The following MCOLN1 variants were observed in gnomAD, a reference collection of about 807,000 sequenced individuals.
MCOLN1 encodes mucolipin TRP cation channel 1, also known as mucolipin-1.
MCOLN1 carries 50 observed loss-of-function variants against 70.3 expected under a neutral mutation model. The ratio of observed to expected loss-of-function variants is 0.71; its 90% CI spans 0.57 to 0.90. MCOLN1 has a LOEUF of 0.90. MCOLN1 is among the 40% of genes least tolerant of loss of function. MCOLN1 has a pLI of 0.00. For synonymous variants in MCOLN1, 366 were observed against 341.0 expected (o/e 1.07, Z -0.81); for missense variants, 598 against 803.5 (o/e 0.74, Z 3.09).
Position 7,528,295 on chromosome 19 carries a change from C to T in MCOLN1, c.877+38C>T, listed in dbSNP as rs1166125098. 5 of 1,581,480 alleles carry T rather than the reference C, an allele frequency of 3.2e-6. No homozygotes were observed. The highest frequency in any genetic ancestry group is 1.7e-5 in the Admixed American group (1 of 59,836). On this transcript the variant is annotated intron_variant, in intron 7 of 13. Transcript: ENST00000264079. The surrounding 1 kb of genome is among the most constrained non-coding windows in gnomAD (Gnocchi z 4.2). ...GCCCCAGACCAGCACTGACCAGGGG[C>T]CCTGGCCTGTCCTGGGATTCCCCAA... is the stretch of plus-strand genomic sequence containing the variant.
intron 4 of MCOLN1, among the ~76,000 whole-genome samples, 198 bp from the exon 5 acceptor site, chr19:7,527,322 C>T (rs1450115984): frequency 1.3e-5 from 2 of 150,024 alleles, no homozygotes; most frequent in Admixed American, 6.6e-5. Flanking sequence ...GAGTGTGACT[C>T]TTGCCACGTA....
rs1236335462 is a variant in MCOLN1, at chr19:7,522,660, C to A, written c.-91C>A. 1.5e-6 allele frequency: 2 copies of A among 1,340,734 alleles called. No individual in the cohort carries two copies. Among genetic ancestry groups the A allele is most frequent in the Non-Finnish European group, 2.0e-6 (2 of 1,017,360 alleles). The allele number at this position is 1,340,734 out of a possible 1,614,324, so 83.1% of individuals were successfully genotyped here. Reference sequence around the variant, plus strand: ...GATGCCGGAGGGTTTGAAGCCGCGCCGCGAGGGAGCGAGGTCGCAGTGACA... The same window carrying A: ...GATGCCGGAGGGTTTGAAGCCGCGCAGCGAGGGAGCGAGGTCGCAGTGACA... On this transcript the variant is annotated 5_prime_UTR_variant, in exon 1 of 14. Coordinates refer to ENST00000264079, the MANE Select transcript of MCOLN1 (RefSeq NM_020533.3).
chr19:7,531,760 C>T lies in MCOLN1; in HGVS notation c.1575+1259C>T, dbSNP rs186329266. 4.4e-3 allele frequency among the ~76,000 whole-genome samples: 675 copies of T among 151,970 alleles called. 3 individuals are homozygous for T. The highest frequency in any genetic ancestry group is 5.1e-3 in the Non-Finnish European group (345 of 67,952). On this transcript the variant is annotated intron_variant, in intron 12 of 13. Coordinates refer to ENST00000264079, the MANE Select transcript of MCOLN1 (RefSeq NM_020533.3). ...TCGGCTCACTGCAACCTCTGCCTCCCGGGTTCAAGCGATTCTCCTGCCTCA... is the reference window on the plus strand; with the variant it reads ...TCGGCTCACTGCAACCTCTGCCTCCTGGGTTCAAGCGATTCTCCTGCCTCA...
intron 10 of MCOLN1, 66 bp from the exon 11 acceptor site, chr19:7,529,524 T>TTGG: frequency 1.8e-6 from 1 of 542,780 alleles, no homozygotes; most frequent in African/African-American, 2.1e-5. Flanking sequence ...CACCCCCATC[T>TTGG]GGGTGCCCAC....
In MCOLN1 at chr19:7,528,566, C is replaced by T. The variant is rs1397074721; in HGVS notation, c.878-31C>T. 6.2e-7 allele frequency: 1 copy of T among 1,613,420 alleles called. No homozygotes were observed. Among genetic ancestry groups the T allele is most frequent in the Non-Finnish European group, 8.5e-7 (1 of 1,179,964 alleles). On this transcript the variant is annotated intron_variant, in intron 7 of 13. Transcript: ENST00000264079. This position sits in a 1 kb window ranked among gnomAD's most constrained non-coding sequence, Gnocchi z 4.2. ...TAGCCTCCCAAGGCTCCATGCCATC[C>T]TTGGCCCTACCCGCTCTGCCCTCCC...
intron 1 of MCOLN1, among the ~76,000 whole-genome samples, chr19:7,523,332 G>A (rs940805543): frequency 3.3e-5 from 5 of 152,220 alleles, no homozygotes; most frequent in African/African-American, 1.2e-4. Context: ...GGGGAGGCTG[G>A]AGGAAGACCC....
chr19:7,526,098 A>C lies in MCOLN1; in HGVS notation c.238-341A>C. ...GAAAAGGGACCCAGTCATGGTACTTACCCTGAAAGTTTGGGTTTAACACAG... is the reference window on the plus strand; with the variant it reads ...GAAAAGGGACCCAGTCATGGTACTTCCCCTGAAAGTTTGGGTTTAACACAG... On this transcript the variant is annotated intron_variant, in intron 2 of 13. Transcript: ENST00000264079. The surrounding 1 kb of genome is among the most constrained non-coding windows in gnomAD (Gnocchi z 4.6). The C allele has an allele frequency of 2.5e-6, 1 of 393,230 alleles. No homozygotes were observed. Among genetic ancestry groups the C allele is most frequent in the South Asian group, 2.3e-5 (1 of 44,300 alleles). 24.4% of individuals were successfully genotyped at this position (393,230 alleles called of 1,614,324 possible). A position where few individuals can be genotyped will look rare whatever the true frequency, so the allele number is the denominator to read the frequency against.
intron 1 of MCOLN1, among the ~76,000 whole-genome samples, chr19:7,523,400 G>A (rs1361245297): frequency 4.6e-5 from 7 of 152,326 alleles, no homozygotes; most frequent in South Asian, 2.1e-4. Context: ...TAGATGTCCC[G>A]GTGTCCCAGC....
At chr19:7,532,869 G>T (rs554442135) in intron 12 of MCOLN1, among the ~76,000 whole-genome samples, 1 of 152,162 alleles carries the variant, frequency 6.6e-6, no homozygotes, top group Admixed American at 6.5e-5. Flanking sequence ...TACTTCCATC[G>T]CCTCTAGACT....
Position 7,524,827 on chromosome 19 carries a change from T to C in MCOLN1, c.32-134T>C, listed in dbSNP as rs1162575666. The C allele has an allele frequency of 1.3e-6, 1 of 741,448 alleles. No homozygotes were observed. The highest frequency in any genetic ancestry group is 2.3e-5 in the Admixed American group (1 of 43,518). 45.9% of individuals were successfully genotyped at this position (741,448 alleles called of 1,614,324 possible). On this transcript the variant is annotated intron_variant, in intron 1 of 13. Coordinates refer to ENST00000264079, the MANE Select transcript of MCOLN1 (RefSeq NM_020533.3). This position sits in a 1 kb window ranked among gnomAD's most constrained non-coding sequence, Gnocchi z 4.1. Reference sequence around the variant, plus strand: ...ATGTCACAGGTTTTCTGGTTTTCTTTAGACCTCTCAGAGCTCTTCCTTGGC... The same window carrying C: ...ATGTCACAGGTTTTCTGGTTTTCTTCAGACCTCTCAGAGCTCTTCCTTGGC...
At chr19:7,527,119 C>A in intron 4 of MCOLN1, 193 bp downstream of exon 4, 1 of 709,070 alleles carries the variant, frequency 1.4e-6, no homozygotes. Context: ...TACGCACAAA[C>A]AAATTAGCTG....
rs577440930 is a variant in MCOLN1 at position 7,527,531 on chromosome 19, G to A, written c.583G>A (p.Val195Met). The change falls in exon 5 of 14, where the codon GTG becomes ATG. Residue 195 changes from valine (V) to methionine (M), a missense_variant. Physicochemically the swap from Val to Met is conservative, Grantham distance 21. Coordinates refer to ENST00000264079, the MANE Select transcript of MCOLN1 (RefSeq NM_020533.3). ...CTCCCTGTCCTTAGACTGCATCCAG[G>A]TGGATCCCCCCGAGCGGCCCCCTCC... ...DPMVVTDCIQVDPPERPPPPP... is the reference protein window; with the variant it reads ...DPMVVTDCIQMDPPERPPPPP... The A allele has an allele frequency of 5.9e-6, 9 of 1,536,514 alleles. No homozygotes were observed. The highest frequency in any genetic ancestry group is 4.1e-5 in the African/African-American group (3 of 73,618).
chr19:7,527,340 C>T (rs569678361), intron 4 of MCOLN1, among the ~76,000 whole-genome samples, 180 bp from the exon 5 acceptor site: 12 of 150,770 alleles, frequency 8.0e-5, no homozygotes, highest in African/African-American at 2.9e-4. Flanking sequence ...GTAGAAAGCA[C>T]CAGATGTTAT....
rs770963796 is a variant in MCOLN1 at position 7,525,060 on chromosome 19, G to A, written c.131G>A (p.Arg44His). 26 of 1,614,012 alleles carry A rather than the reference G, an allele frequency of 1.6e-5. No individual in the cohort carries two copies. Among genetic ancestry groups the A allele is most frequent in the East Asian group, 6.7e-5 (3 of 44,896 alleles). Reference sequence around the variant, plus strand: ...CCAGAAGAGGAAGACCTTCGCCGTCGTCTCAAATACTTTTTCATGAGTCCC... The same window carrying A: ...CCAGAAGAGGAAGACCTTCGCCGTCATCTCAAATACTTTTTCATGAGTCCC... ...TPPEEEDLRR[R>H]LKYFFMSPCD... Residue 44 changes from arginine (R) to histidine (H), a missense_variant, in exon 2 of 14, where the codon CGT becomes CAT. Around this residue, in one of 3 missense-constraint regions of MCOLN1, gnomAD observed 461 missense variants for 588.4 expected, o/e 0.78. Transcript: ENST00000264079. This position sits in a 1 kb window ranked among gnomAD's most constrained non-coding sequence, Gnocchi z 4.2.
chr19:7,522,721 C>T lies in MCOLN1; in HGVS notation c.-30C>T, dbSNP rs1427806652. On this transcript the variant is annotated 5_prime_UTR_variant, in exon 1 of 14. Coordinates refer to ENST00000264079, the MANE Select transcript of MCOLN1 (RefSeq NM_020533.3). ...ATCGGACCCAGGCTGCCCCGCCGTA[C>T]CCGCCTGCGTCCCGCGCTCCCGCCC... is the stretch of plus-strand genomic sequence containing the variant. The T allele has an allele frequency of 3.4e-6, 5 of 1,455,752 alleles. No individual in the cohort carries two copies. Among genetic ancestry groups the T allele is most frequent in the Non-Finnish European group, 4.5e-6 (5 of 1,108,734 alleles). 90.2% of individuals were successfully genotyped at this position (1,455,752 alleles called of 1,614,324 possible). A position where few individuals can be genotyped will look rare whatever the true frequency, so the allele number is the denominator to read the frequency against.
chr19:7,528,917 A>G lies in MCOLN1; in HGVS notation c.1081A>G (p.Ser361Gly). Residue 361 changes from serine (S) to glycine (G), a missense_variant, in exon 9 of 14, where the codon AGC becomes GGC. Physicochemically the swap from Ser to Gly is moderately conservative, Grantham distance 56. Transcript: ENST00000264079. The surrounding 1 kb of genome is among the most constrained non-coding windows in gnomAD (Gnocchi z 4.2). ...TGGCTGGTACATCCTGCTCGTCACCAGCGATGTGCTCACCATCTCGGGCAC... is the reference window on the plus strand; with the variant it reads ...TGGCTGGTACATCCTGCTCGTCACCGGCGATGTGCTCACCATCTCGGGCAC... ...VNGWYILLVT[S>G]DVLTISGTIM... 1 of 1,614,146 alleles carries G rather than the reference A, an allele frequency of 6.2e-7. No homozygotes were observed. The highest frequency in any genetic ancestry group is 8.5e-7 in the Non-Finnish European group (1 of 1,180,012).
At position 7,524,752 on chromosome 19, in the gene MCOLN1, C is replaced by G. The variant is rs2022542165; in HGVS notation, c.32-209C>G. Among the ~76,000 whole-genome samples the G allele has an allele frequency of 6.6e-6, 1 of 152,200 alleles. No individual in the cohort carries two copies. The highest frequency in any genetic ancestry group is 2.4e-5 in the African/African-American group (1 of 41,450). On this transcript the variant is annotated intron_variant, in intron 1 of 13. Transcript: ENST00000264079. This position sits in a 1 kb window ranked among gnomAD's most constrained non-coding sequence, Gnocchi z 4.1. ...GAATCAGCCCAGGCCCTGTACCTCCCAAACCCAAACTCATAACCTCTGAGC... is the reference window on the plus strand; with the variant it reads ...GAATCAGCCCAGGCCCTGTACCTCCGAAACCCAAACTCATAACCTCTGAGC...
chr19:7,526,329 C>A lies in MCOLN1; in HGVS notation c.238-110C>A. ...AAGTTAGCAGGGCCCTGCCCCACCC[C>A]AGTGGACATCTGCAGGGCCCTCCCT... On this transcript the variant is annotated intron_variant, in intron 2 of 13. Coordinates refer to ENST00000264079, the MANE Select transcript of MCOLN1 (RefSeq NM_020533.3). The surrounding 1 kb of genome is among the most constrained non-coding windows in gnomAD (Gnocchi z 4.6). 1.5e-6 allele frequency: 2 copies of A among 1,294,318 alleles called. No individual in the cohort carries two copies. Among genetic ancestry groups the A allele is most frequent in the Non-Finnish European group, 2.2e-6 (2 of 890,556 alleles). The allele number at this position is 1,294,318 out of a possible 1,614,324, so 80.2% of individuals were successfully genotyped here. A position where few individuals can be genotyped will look rare whatever the true frequency, so the allele number is the denominator to read the frequency against.
At position 7,528,013 on chromosome 19, in the gene MCOLN1, G is replaced by C; in HGVS notation, c.777+53G>C. On this transcript the variant is annotated intron_variant, in intron 6 of 13. Coordinates refer to ENST00000264079, the MANE Select transcript of MCOLN1 (RefSeq NM_020533.3). The surrounding 1 kb of genome is among the most constrained non-coding windows in gnomAD (Gnocchi z 4.2). ...TCCTGAGTTCCAGGGCAGGGACCTG[G>C]TCAGGGAGTGTCTTGGGAGCACTGG... The C allele has an allele frequency of 6.4e-7, 1 of 1,565,850 alleles. No individual in the cohort carries two copies. The highest frequency in any genetic ancestry group is 8.8e-7 in the Non-Finnish European group (1 of 1,136,330).
Sources: gnomAD v4.1 joint callset for allele counts (sites outside exome capture counted in the v4.1 genomes callset) on GRCh38, gnomAD v4.1.1 for gene constraint, gnomAD v4.1.1 regional missense constraint, Gnocchi (gnomAD v3.1) non-coding constraint, MANE v1.5 for transcripts, NCBI Gene and HGNC (gene_info 2026-07-23, HGNC 2026-07-21) for gene names.